The following FLACC1 variants were observed in gnomAD, a reference collection of about 807,000 sequenced individuals.
The protein encoded by FLACC1 is flagellum-associated coiled-coil domain-containing protein 1.
A neutral mutation model predicts 62.8 loss-of-function variants in FLACC1; 66 were observed. The observed-to-expected ratio is 1.05, with a 90% CI of 0.86 to 1.29. FLACC1 has a LOEUF of 1.29. Among genes scored for constraint, FLACC1 ranks in the 50% most tolerant of loss-of-function variants. The probability of loss-of-function intolerance (pLI) is 0.00; values close to 1 mark genes in which losing one functional copy is unlikely to be tolerated. For synonymous variants in FLACC1, 156 were observed against 161.0 expected, an observed-to-expected ratio of 0.97 and a Z score of 0.24; for missense variants, 452 against 489.1, an observed-to-expected ratio of 0.92 and a Z score of 0.71.
At chr2:201,360,285 G>A (rs148546814), upstream of FLACC1, among the ~76,000 whole-genome samples, 4 of 152,322 alleles carry the variant, frequency 2.6e-5, 1 homozygote, top group Non-Finnish European at 5.9e-5. Context: ...GCCACCAATA[G>A]TAAAACAAAG....
intron 9 of FLACC1, among the ~76,000 whole-genome samples, chr2:201,318,288 C>T (rs185452033): frequency 5.8e-4 from 88 of 152,270 alleles, no homozygotes; most frequent in Non-Finnish European, 4.3e-4. Flanking sequence ...GCAAAAAGAA[C>T]AGTCATCAGA....
chr2:201,364,075 G>C, the FLACC1 span, among the ~76,000 whole-genome samples: 1 of 152,140 alleles, frequency 6.6e-6, no homozygotes, highest in South Asian at 2.1e-4. Flanking sequence ...CCATAAACAA[G>C]GATCAAGTAT....
chr2:201,328,669 G>A (rs998990986), intron 9 of FLACC1, among the ~76,000 whole-genome samples: 12 of 152,138 alleles, frequency 7.9e-5, no homozygotes, highest in African/African-American at 2.7e-4. Context: ...CAGGTGATCT[G>A]CCTGCCTCGG....
chr2:201,361,913 GAAC>G (rs201094549), upstream of FLACC1, among the ~76,000 whole-genome samples: 4,281 of 152,204 alleles, frequency 0.028, 200 homozygotes, highest in African/African-American at 0.096. Context: ...TTAAACTAAA[GAAC>G]AAAACACTTC....
rs1950868164 is a variant in FLACC1 at position 201,344,198 on chromosome 2, T to C, written c.434A>G (p.Asn145Ser). The stretch of plus-strand genomic sequence containing the variant: ...TTTCTGGGCAGACTGGTGGTCTCTG[T>C]TCATTTGTTCAATTATTGCTGTCAG... ...SELTAIIEQM[N>S]RDHQSAQKLL... Residue 145 changes from asparagine to serine, a missense_variant, in exon 6 of 15, where the codon AAC (asparagine) becomes AGC (serine). Transcript: ENST00000392257. 3.7e-6 allele frequency: 6 copies of C among 1,613,852 alleles called. No individual in the cohort carries two copies. The East Asian group carries it at 1.3e-4, about 36-fold the overall frequency.
intron 9 of FLACC1, among the ~76,000 whole-genome samples, chr2:201,312,314 C>T (rs1030555409): frequency 9.2e-5 from 14 of 152,216 alleles, no homozygotes; most frequent in East Asian, 3.9e-4. Context: ...AAATCAATAA[C>T]GTAATCCCAT....
At chr2:201,327,969 TA>T (rs1200231137) in intron 9 of FLACC1, among the ~76,000 whole-genome samples, 2 of 152,312 alleles carry the variant, frequency 1.3e-5, no homozygotes, top group East Asian at 3.9e-4. Context: ...CATAGACTGC[TA>T]CTCAGTCATT....
In FLACC1 at chr2:201,326,998, A is replaced by G. The variant is rs1222615272; in HGVS notation, c.675+3472T>C. On this transcript the variant is annotated intron_variant, in intron 9 of 14. Coordinates refer to ENST00000392257, the MANE Select transcript of FLACC1 (RefSeq NM_001127391.3). This position sits in a 1 kb window ranked among gnomAD's most constrained non-coding sequence, Gnocchi z 4.1. Reference sequence around the variant, plus strand: ...GGCACATAGGCCAAGGAAACAGAACAGAAAACCCAGAAATGAAGCCAAATA... The same window carrying G: ...GGCACATAGGCCAAGGAAACAGAACGGAAAACCCAGAAATGAAGCCAAATA... 6.6e-6 allele frequency among the ~76,000 whole-genome samples: 1 copy of G among 152,234 alleles called. No individual in the cohort carries two copies. Among genetic ancestry groups the G allele is most frequent in the Non-Finnish European group, 1.5e-5 (1 of 68,036 alleles).
intron 13 of FLACC1, 21 bp from the exon 14 acceptor site, chr2:201,289,587 T>C (rs772602053): frequency 8.1e-6 from 13 of 1,613,540 alleles, no homozygotes; most frequent in Non-Finnish European, 1.0e-5. Flanking sequence ...TACATTTTAA[T>C]AGCCATCTTC....
intron 7 of FLACC1, 85 bp from the exon 8 acceptor site, chr2:201,330,918 A>C (rs1576455128): frequency 9.9e-6 from 9 of 911,348 alleles, no homozygotes; most frequent in South Asian, 4.1e-5. Flanking sequence ...CCTACCCTCC[A>C]CCCTCCCACA....
intron 9 of FLACC1, among the ~76,000 whole-genome samples, chr2:201,309,646 C>T (rs1375476192): frequency 2.0e-5 from 3 of 152,090 alleles, no homozygotes; most frequent in African/African-American, 4.8e-5. Context: ...CAGTGGCTCA[C>T]ACCTGTAATC....
At chr2:201,313,309 T>C (rs1950250363) in intron 9 of FLACC1, among the ~76,000 whole-genome samples, 5 of 152,102 alleles carry the variant, frequency 3.3e-5, no homozygotes, top group Admixed American at 3.3e-4. Context: ...GCTGGTAGCC[T>C]GGGGCAAGTT....
intron 9 of FLACC1, among the ~76,000 whole-genome samples, chr2:201,329,763 G>A (rs531674467): frequency 6.6e-6 from 1 of 152,206 alleles, no homozygotes; most frequent in Admixed American, 6.5e-5. Flanking sequence ...GGGAAGGGTG[G>A]AATAACTATT....
At chr2:201,305,992 G>A (rs936270691) in intron 11 of FLACC1, among the ~76,000 whole-genome samples, 1 of 151,328 alleles carries the variant, frequency 6.6e-6, no homozygotes, top group African/African-American at 2.4e-5. Flanking sequence ...TAAATGATGA[G>A]TTAATGGGTG....
chr2:201,322,501 C>T (rs934342321), intron 9 of FLACC1, among the ~76,000 whole-genome samples: 20 of 151,980 alleles, frequency 1.3e-4, no homozygotes, highest in African/African-American at 4.4e-4. Flanking sequence ...GCACCAAAAA[C>T]CAAATTAGGC....
chr2:201,291,089 T>TC (rs1355443436), intron 12 of FLACC1, among the ~76,000 whole-genome samples: 1 of 152,186 alleles, frequency 6.6e-6, no homozygotes, highest in Non-Finnish European at 1.5e-5. Flanking sequence ...CTCTGTAGAC[T>TC]CCACCTCTGG....
At chr2:201,330,636 G>A (rs543325050) in intron 8 of FLACC1, 100 bp downstream of exon 8, 2 of 1,524,372 alleles carry the variant, frequency 1.3e-6, no homozygotes, top group African/African-American at 2.7e-5. Context: ...CACCAAGGTA[G>A]TAAAACCTTT....
chr2:201,358,411 A>ATTTTTT (rs529458487), upstream of FLACC1, among the ~76,000 whole-genome samples: 43 of 120,400 alleles, frequency 3.6e-4, no homozygotes, highest in African/African-American at 4.6e-4. Flanking sequence ...TGCCCAGCTA[A>ATTTTTT]TTTTTTTTTT....
At chr2:201,312,069 G>A (rs948012196) in intron 9 of FLACC1, among the ~76,000 whole-genome samples, 2 of 152,132 alleles carry the variant, frequency 1.3e-5, no homozygotes, top group African/African-American at 4.8e-5. Flanking sequence ...AGCACTGGAA[G>A]TACTAGCCAG....
Sources: allele counts gnomAD v4.1 joint callset (sites outside exome capture counted in the v4.1 genomes callset), GRCh38; gene constraint gnomAD v4.1.1; non-coding constraint Gnocchi (gnomAD v3.1); transcripts MANE v1.5; gene names NCBI Gene and HGNC (gene_info 2026-07-23, HGNC 2026-07-21).